CCNJ: variants seen among roughly 807,000 people sequenced by gnomAD.
CCNJ encodes the protein cyclin-J.
In CCNJ, 12 loss-of-function variants were observed where a neutral mutation model predicts 41.4. That is an observed-to-expected ratio of 0.29 (90% confidence interval 0.19 to 0.47). The LOEUF (loss-of-function observed/expected upper bound fraction) is 0.47. CCNJ is among the 20% of genes least tolerant of loss of function. CCNJ has a pLI of 1.00. For synonymous variants in CCNJ, 161 were observed against 173.4 expected (o/e 0.93, Z 0.56); for missense variants, 340 against 464.6 (o/e 0.73, Z 2.47).
At chr10:96,048,485 G>C (rs2080425681) in intron 2 of CCNJ, among the ~76,000 whole-genome samples, 1 of 152,022 alleles carries the variant, frequency 6.6e-6, no homozygotes, top group Non-Finnish European at 1.5e-5. Context: ...ATTTTTAACT[G>C]TACAGTTCAG....
At chr10:96,054,870 CATT>C in intron 3 of CCNJ, among the ~76,000 whole-genome samples, 1 of 152,204 alleles carries the variant, frequency 6.6e-6, no homozygotes, top group South Asian at 2.1e-4. Context: ...TAAATAAACT[CATT>C]AATTTCTACA....
At chr10:96,056,176 G>A (rs1222624086) in intron 3 of CCNJ, among the ~76,000 whole-genome samples, 2 of 152,028 alleles carry the variant, frequency 1.3e-5, no homozygotes, top group East Asian at 1.9e-4. Flanking sequence ...AGGCGTGGTG[G>A]CGGGCGCCTG....
rs2080747123 is a variant in CCNJ at position 96,058,206 on chromosome 10, CAT to C, written c.1118_1119del (p.His373LeufsTer9). On this transcript the variant is annotated frameshift_variant, in exon 6 of 6. Coordinates refer to ENST00000465148, the MANE Select transcript of CCNJ (RefSeq NM_001134375.2). LOFTEE classifies it high-confidence loss of function. ...CAACCGGAGTTATCAGATAAATGAA[CAT>C]TACCCTTGTATTACTCCATGTTTTG... ...SYNRSYQINE[H>X]YPCITPCFER The C allele has an allele frequency of 1.2e-6, 2 of 1,613,896 alleles. No individual in the cohort carries two copies. The highest frequency in any genetic ancestry group is 1.7e-6 in the Non-Finnish European group (2 of 1,179,930).
rs1472918112 is a variant in CCNJ at position 96,060,563 on chromosome 10, G to C, written c.*2322G>C. Reference sequence around the variant, plus strand: ...ATACAACTCACAACTGCTAGCTTTGGGGGGTGGGGGAACATTGTGTGGGTT... The same window carrying C: ...ATACAACTCACAACTGCTAGCTTTGCGGGGTGGGGGAACATTGTGTGGGTT... On this transcript the variant is annotated 3_prime_UTR_variant, in exon 6 of 6. Transcript: ENST00000465148. The C allele has an allele frequency of 2.0e-5, 3 of 152,216 alleles. No individual in the cohort carries two copies. The highest frequency in any genetic ancestry group is 4.8e-5 in the African/African-American group (2 of 41,312). The allele number at this position is 152,216 out of a possible 1,614,324, so 9.4% of individuals were successfully genotyped here.
chr10:96,056,578 A>C (rs1210851326), intron 3 of CCNJ, 123 bp from the exon 4 acceptor site: 22 of 691,838 alleles, frequency 3.2e-5, no homozygotes, highest in Non-Finnish European at 7.4e-6. Flanking sequence ...TATCTGTGTA[A>C]GGTAAGTACG....
At chr10:96,044,162 C>T (rs1385239223) in intron 1 of CCNJ, among the ~76,000 whole-genome samples, 191 bp from the exon 2 acceptor site, 2 of 152,240 alleles carry the variant, frequency 1.3e-5, no homozygotes, top group African/African-American at 2.4e-5. Context: ...AGTCCTTCGG[C>T]TCTTCCTGCG....
In CCNJ at chr10:96,044,384, G is replaced by A; in HGVS notation, c.-10G>A. The A allele has an allele frequency of 6.6e-7, 1 of 1,519,422 alleles. No homozygotes were observed. The highest frequency in any genetic ancestry group is 8.9e-7 in the Non-Finnish European group (1 of 1,126,438). 94.1% of individuals were successfully genotyped at this position (1,519,422 alleles called of 1,614,324 possible). A position where few individuals can be genotyped will look rare whatever the true frequency, so the allele number is the denominator to read the frequency against. On this transcript the variant is annotated 5_prime_UTR_variant, in exon 2 of 6. Coordinates refer to ENST00000465148, the MANE Select transcript of CCNJ (RefSeq NM_001134375.2). ...GTTGCCGCGTCGGGCTGGGCGCGCC[G>A]CCGGGTCCCATGGAGCTGGAGGGGC...
Position 96,043,737 on chromosome 10 carries a change from G to A in CCNJ, c.-42+18G>A, listed in dbSNP as rs953861321. ...GGTTCCGGGTAAGGGAGCCAGCGTG[G>A]GGCCGGGCGGCCCGGCAGGCCTGGG... On this transcript the variant is annotated intron_variant, in intron 1 of 5. Coordinates refer to ENST00000465148, the MANE Select transcript of CCNJ (RefSeq NM_001134375.2). The A allele has an allele frequency of 2.1e-5, 8 of 390,128 alleles. No individual in the cohort carries two copies. Among genetic ancestry groups the A allele is most frequent in the Non-Finnish European group, 3.2e-5 (7 of 220,826 alleles). 24.2% of individuals were successfully genotyped at this position (390,128 alleles called of 1,614,324 possible).
intron 2 of CCNJ, among the ~76,000 whole-genome samples, chr10:96,046,824 CTCAT>C (rs1236008545): frequency 1.3e-5 from 2 of 152,158 alleles, no homozygotes; most frequent in Admixed American, 6.5e-5. Context: ...CTCCTTTCTT[CTCAT>C]TATTTTGCTG....
At chr10:96,056,671 C>A (rs1329938654) in intron 3 of CCNJ, 30 bp from the exon 4 acceptor site, 10 of 1,519,464 alleles carry the variant, frequency 6.6e-6, no homozygotes, top group Non-Finnish European at 8.9e-6. Context: ...CTGACATTTT[C>A]TCTCCCCTCC....
At chr10:96,051,280 TC>T (rs1211135569) in intron 3 of CCNJ, among the ~76,000 whole-genome samples, 2 of 152,208 alleles carry the variant, frequency 1.3e-5, no homozygotes, top group South Asian at 2.1e-4. Flanking sequence ...ATTTCATTGC[TC>T]GTTGGTACTC....
rs1445452137 is a variant in CCNJ at position 96,058,505 on chromosome 10, A to G, written c.*264A>G. 1 of 499,326 alleles carries G rather than the reference A, an allele frequency of 2.0e-6. No individual in the cohort carries two copies. The highest frequency in any genetic ancestry group is 3.0e-5 in the East Asian group (1 of 33,300). 30.9% of individuals were successfully genotyped at this position (499,326 alleles called of 1,614,324 possible). On this transcript the variant is annotated 3_prime_UTR_variant, in exon 6 of 6. Transcript: ENST00000465148. The stretch of plus-strand genomic sequence containing the variant: ...CCTGGCTGATGGTCCAAATATTTCA[A>G]AAATATTCAGTACAACAGAAAATTT...
intron 2 of CCNJ, among the ~76,000 whole-genome samples, chr10:96,049,789 T>G (rs1050957852): frequency 1.3e-5 from 2 of 152,134 alleles, no homozygotes; most frequent in Admixed American, 6.5e-5. Context: ...TAGAAGATAC[T>G]AGAGGAAAGG....
At chr10:96,043,833 T>G (rs1482331085) in intron 1 of CCNJ, 114 bp downstream of exon 1, 1 of 380,772 alleles carries the variant, frequency 2.6e-6, no homozygotes, top group African/African-American at 2.1e-5. Flanking sequence ...TTGTTCCCCT[T>G]TCTGAGGCCG....
At chr10:96,053,400 A>G (rs2080586970) in intron 3 of CCNJ, among the ~76,000 whole-genome samples, 2 of 152,218 alleles carry the variant, frequency 1.3e-5, no homozygotes, top group African/African-American at 4.8e-5. Flanking sequence ...TGGAAACATT[A>G]AAAGATTAGC....
At chr10:96,047,749 T>G (rs2080403995) in intron 2 of CCNJ, among the ~76,000 whole-genome samples, 2 of 152,242 alleles carry the variant, frequency 1.3e-5, no homozygotes, top group Non-Finnish European at 2.9e-5. Context: ...CTTTTTTGTT[T>G]ATCGTAAAAT....
intron 3 of CCNJ, among the ~76,000 whole-genome samples, chr10:96,054,949 G>A (rs1387025722): frequency 6.6e-6 from 1 of 152,206 alleles, no homozygotes; most frequent in African/African-American, 2.4e-5. Flanking sequence ...CTTGAAAGCT[G>A]TAATGATTCA....
chr10:96,052,934 G>A (rs1286536016), intron 3 of CCNJ, among the ~76,000 whole-genome samples: 1 of 152,216 alleles, frequency 6.6e-6, no homozygotes, highest in Middle Eastern at 3.2e-3. Context: ...GTCAGGAATT[G>A]AAGAGGTTAG....
Position 96,056,848 on chromosome 10 carries a change from G to A in CCNJ, c.428G>A (p.Cys143Tyr). ...LLLETFQWNL[C>Y]LPTAAHFIEY... ...TTAGAAACCTTTCAGTGGAACCTCT[G>A]CCTTCCAACAGCCGCCCATTTCATT... is the stretch of plus-strand genomic sequence containing the variant. Residue 143 changes from cysteine (C) to tyrosine (Y), a missense_variant, in exon 4 of 6, where the codon TGC becomes TAC. Cys to Tyr is a radical substitution (Grantham distance 194, BLOSUM62 -2). Transcript: ENST00000465148. The A allele has an allele frequency of 3.1e-6, 5 of 1,614,158 alleles. No individual in the cohort carries two copies. The highest frequency in any genetic ancestry group is 4.2e-6 in the Non-Finnish European group (5 of 1,180,022).
Sources: allele counts gnomAD v4.1 joint callset (sites outside exome capture counted in the v4.1 genomes callset), GRCh38; gene constraint gnomAD v4.1.1; transcripts MANE v1.5; gene names NCBI Gene and HGNC (gene_info 2026-07-23, HGNC 2026-07-21).